The following DMD variants were observed in gnomAD, a reference collection of about 807,000 sequenced individuals.
The protein encoded by DMD is mutant dystrophin.
A neutral mutation model predicts 330.1 loss-of-function variants in DMD; 63 were observed. The observed-to-expected ratio is 0.19, with a 90% CI of 0.16 to 0.24. The LOEUF (loss-of-function observed/expected upper bound fraction) is 0.24. DMD is among the 10% of genes least tolerant of loss of function. The pLI is 1.00. For synonymous variants in DMD, 1,223 were observed against 959.8 expected (o/e 1.27, Z -5.07); for missense variants, 3,344 against 2,684.1 (o/e 1.25, Z -5.43).
chrX:33,069,696 A>T (rs759283016), intron 1 of DMD, among the ~76,000 whole-genome samples: 49 of 111,879 alleles, frequency 4.4e-4, no homozygotes, highest in Middle Eastern at 4.6e-3. Context: ...AAGGTAGCTC[A>T]CAGAATAATC....
At chrX:31,530,647 C>CT (rs1192286078) in intron 55 of DMD, among the ~76,000 whole-genome samples, 3,269 of 49,604 alleles carry the variant, frequency 0.066, 77 homozygotes, top group Non-Finnish European at 0.072. Flanking sequence ...ACTGGTTTCT[C>CT]TTTTTTTTTT....
At chrX:32,327,726 C>T (rs1337451024) in intron 41 of DMD, among the ~76,000 whole-genome samples, 1 of 110,817 alleles carries the variant, frequency 9.0e-6, no homozygotes, top group Non-Finnish European at 1.9e-5. Context: ...GGCAAGGATT[C>T]CAATATAAAA....
In DMD at chrX:31,147,362, G is replaced by A; in HGVS notation, c.10710C>T (p.Gly3570=). 8.3e-7 allele frequency: 1 copy of A among 1,210,404 alleles called. No individual in the cohort carries two copies. The highest frequency in any genetic ancestry group is 2.3e-4 in the Middle Eastern group (1 of 4,349). The change falls in exon 75 of 79, where the codon GGC becomes GGT. Residue 3570 remains glycine, a synonymous_variant. Transcript: ENST00000357033. ...AEAKLLRQHK[G]RLEARMQILE... is the part of the protein sequence containing the mutation. ...GGATTTGCATCCTGGCTTCCAGGCGGCCTTTGTGTTGACGCAGTAGCTTGG... is the reference window on the plus strand; with the variant it reads ...GGATTTGCATCCTGGCTTCCAGGCGACCTTTGTGTTGACGCAGTAGCTTGG...
At chrX:32,851,329 C>T (rs1370729912) in intron 2 of DMD, among the ~76,000 whole-genome samples, 1 of 112,030 alleles carries the variant, frequency 8.9e-6, no homozygotes, top group African/African-American at 3.2e-5. Flanking sequence ...AATCCAGCCA[C>T]ATATATACTT....
intron 18 of DMD, among the ~76,000 whole-genome samples, chrX:32,515,553 T>C (rs773233453): frequency 1.8e-5 from 2 of 111,513 alleles, no homozygotes; most frequent in South Asian, 7.6e-4. Flanking sequence ...GCTATTTTTT[T>C]TGTTTGTTTC....
intron 43 of DMD, among the ~76,000 whole-genome samples, chrX:32,241,968 C>A (rs904501531): frequency 9.0e-6 from 1 of 111,201 alleles, no homozygotes; most frequent in African/African-American, 3.3e-5. Context: ...TGTGTCTCAA[C>A]CCAGCCGGTT....
intron 25 of DMD, among the ~76,000 whole-genome samples, chrX:32,462,036 T>A (rs1254596110): frequency 9.0e-6 from 1 of 110,911 alleles, no homozygotes; most frequent in Non-Finnish European, 1.9e-5. Flanking sequence ...GAAAGTTTAC[T>A]TAGCAGTAAC....
chrX:31,697,532 G>T (rs1214708453), intron 52 of DMD, among the ~76,000 whole-genome samples: 1 of 111,775 alleles, frequency 8.9e-6, no homozygotes, highest in Non-Finnish European at 1.9e-5. Flanking sequence ...TGTCAAATTG[G>T]AAACTCAGCA....
At chrX:32,111,141 C>T (rs1460132980) in intron 44 of DMD, among the ~76,000 whole-genome samples, 4 of 112,049 alleles carry the variant, frequency 3.6e-5, no homozygotes, top group African/African-American at 1.3e-4. Flanking sequence ...AATAAGGTTC[C>T]ATTTTCACAT....
At chrX:31,607,372 C>T (rs949998994) in intron 55 of DMD, among the ~76,000 whole-genome samples, 2 of 112,044 alleles carry the variant, frequency 1.8e-5, no homozygotes, top group Admixed American at 1.9e-4. Context: ...ACTGGAACAA[C>T]ATTCCTCTAG....
At chrX:32,912,200 G>A (rs1227425329) in intron 2 of DMD, among the ~76,000 whole-genome samples, 1 of 110,814 alleles carries the variant, frequency 9.0e-6, no homozygotes, top group Non-Finnish European at 1.9e-5. Context: ...TGGTTGGAGG[G>A]GGGACATCAA....
chrX:31,646,917 CT>C (rs1422750963), intron 54 of DMD, among the ~76,000 whole-genome samples: 1 of 112,118 alleles, frequency 8.9e-6, no homozygotes, highest in Non-Finnish European at 1.9e-5. Context: ...GGGAACACTC[CT>C]CAACAAACCT....
intron 55 of DMD, among the ~76,000 whole-genome samples, chrX:31,613,091 T>C (rs1040315602): frequency 4.5e-5 from 5 of 111,928 alleles, no homozygotes; most frequent in Non-Finnish European, 9.4e-5. Context: ...TACTTGCTGT[T>C]TAGTATTCAT....
chrX:32,975,346 CTTTTTTTT>C (rs35180404), intron 2 of DMD, among the ~76,000 whole-genome samples: 2 of 64,773 alleles, frequency 3.1e-5, no homozygotes, highest in African/African-American at 1.2e-4. Context: ...TTAAAAAATG[CTTTTTTTT>C]TTTTTTTTTT....
chrX:33,009,152 A>G, intron 2 of DMD, among the ~76,000 whole-genome samples: 1 of 27,001 alleles, frequency 3.7e-5, no homozygotes, highest in Admixed American at 3.8e-4. Context: ...GTGTATATAT[A>G]CGTATATATG....
chrX:33,061,652 C>T (rs1000589978), intron 1 of DMD, among the ~76,000 whole-genome samples: 3 of 111,444 alleles, frequency 2.7e-5, no homozygotes, highest in Non-Finnish European at 3.8e-5. Context: ...TTCCATGATG[C>T]GGTTTTGTAC....
chrX:31,522,349 C>CTATA, intron 55 of DMD, among the ~76,000 whole-genome samples: 1 of 66,001 alleles, frequency 1.5e-5, no homozygotes, highest in Non-Finnish European at 2.6e-5. Context: ...CTCTCTCTCT[C>CTATA]TCTCTCTCTC....
At chrX:32,783,826 G>A (rs1197572141) in intron 7 of DMD, among the ~76,000 whole-genome samples, 1 of 111,146 alleles carries the variant, frequency 9.0e-6, no homozygotes, top group African/African-American at 3.3e-5. Flanking sequence ...GTGAGGCACA[G>A]TCGTATTCTT....
intron 7 of DMD, among the ~76,000 whole-genome samples, chrX:32,799,580 T>G (rs1042906508): frequency 3.7e-5 from 4 of 107,357 alleles, no homozygotes; most frequent in African/African-American, 1.4e-4. Context: ...AAGCACTCTC[T>G]TAATATAGGG....
Sources: gnomAD v4.1 joint callset for allele counts (sites outside exome capture counted in the v4.1 genomes callset) on GRCh38, gnomAD v4.1.1 for gene constraint, MANE v1.5 for transcripts, NCBI Gene and HGNC (gene_info 2026-07-23, HGNC 2026-07-21) for gene names.